Variants in PPEF1 observed in about 807,000 individuals in gnomAD.
PPEF1 encodes serine/threonine-protein phosphatase with EF-hands 1.
A neutral mutation model predicts 53.3 loss-of-function variants in PPEF1; 12 were observed. The ratio of observed to expected loss-of-function variants is 0.23; its 90% CI spans 0.14 to 0.36. PPEF1 has a LOEUF of 0.36. PPEF1 is among the 10% of genes least tolerant of loss of function. The pLI is 1.00. For missense variants in PPEF1, 334 were observed against 490.4 expected, an observed-to-expected ratio of 0.68 and a Z score of 3.01; for synonymous variants, 165 against 176.7, an observed-to-expected ratio of 0.93 and a Z score of 0.52.
chrX:18,783,942 C>T lies in PPEF1; in HGVS notation c.806C>T (p.Ala269Val). The change falls in exon 9 of 16, where the codon GCC becomes GTC. Residue 269 changes from alanine to valine, a missense_variant. Transcript: ENST00000470157. ...TTACAAATCTTGGAAGAATTCTATG[C>T]CTGGCTCCCAATCGGTACAATCGTT... Reference protein sequence around the residue: ...RILQILEEFYAWLPIGTIVDN... With the variant: ...RILQILEEFYVWLPIGTIVDN... 8.3e-7 allele frequency: 1 copy of T among 1,208,229 alleles called. No homozygotes were observed. Among genetic ancestry groups the T allele is most frequent in the Non-Finnish European group, 1.1e-6 (1 of 893,057 alleles).
chrX:18,793,054 C>T (rs1157999467), intron 10 of PPEF1, among the ~76,000 whole-genome samples: 1 of 107,391 alleles, frequency 9.3e-6, no homozygotes, highest in Non-Finnish European at 1.9e-5. Context: ...TTATCATTTC[C>T]TTCCTTCTGC....
intron 3 of PPEF1, among the ~76,000 whole-genome samples, chrX:18,748,859 T>C: frequency 8.9e-6 from 1 of 111,897 alleles, no homozygotes; most frequent in East Asian, 2.8e-4. Flanking sequence ...AACTGGTACA[T>C]AGCACTTCCA....
At chrX:18,687,981 G>A (rs1046749784) in intron 3 of PPEF1, among the ~76,000 whole-genome samples, 8 of 111,498 alleles carry the variant, frequency 7.2e-5, no homozygotes, top group South Asian at 3.7e-4. Flanking sequence ...GAGCTACAGC[G>A]CCCGGCCTAT....
chrX:18,821,804 A>AGAGAGAGAGAGAGAGAGAGAGAG (rs1569273883), intron 13 of PPEF1, among the ~76,000 whole-genome samples: 2 of 68,645 alleles, frequency 2.9e-5, no homozygotes, highest in Admixed American at 3.2e-4. Context: ...AGAGAGAGAG[A>AGAGAGAGAGAGAGAGAGAGAGAG]AAACAAATAA....
chrX:18,752,383 A>G (rs746014904), intron 4 of PPEF1, among the ~76,000 whole-genome samples: 28 of 109,520 alleles, frequency 2.6e-4, no homozygotes, highest in African/African-American at 6.0e-4. Flanking sequence ...GTGTGTGTGT[A>G]TGTGTGCGTG....
chrX:18,717,114 GC>G lies in PPEF1; in HGVS notation c.46+9290del, dbSNP rs1461328292. ...ATATATATATATATTTTTTTCTCAA[GC>G]CATTTTGTTTTGCTTTTGTTTTCCT... On this transcript the variant is annotated intron_variant, in intron 1 of 15. Transcript: ENST00000470157. 6.8e-5 allele frequency among the ~76,000 whole-genome samples: 5 copies of G among 73,744 alleles called. No individual in the cohort carries two copies. In the East Asian group the frequency reaches 1.5e-3, roughly 23 times the overall value. The allele number at this position is 73,744 out of a possible 115,157, so 64.0% of individuals were successfully genotyped here.
At chrX:18,799,118 C>G (rs760501170) in intron 10 of PPEF1, among the ~76,000 whole-genome samples, 1 of 111,043 alleles carries the variant, frequency 9.0e-6, no homozygotes, top group South Asian at 3.9e-4. Context: ...TGCCTGTAAT[C>G]CCTGCTACTC....
intron 6 of PPEF1, among the ~76,000 whole-genome samples, chrX:18,764,644 C>G (rs1245497834): frequency 9.0e-6 from 1 of 111,530 alleles, no homozygotes; most frequent in Non-Finnish European, 1.9e-5. Context: ...TAGCTCCACA[C>G]CAAATGTTCA....
At chrX:18,825,489 C>T (rs1051357120) in intron 14 of PPEF1, among the ~76,000 whole-genome samples, 2 of 111,716 alleles carry the variant, frequency 1.8e-5, no homozygotes, top group Admixed American at 9.6e-5. Flanking sequence ...TGTAGAGGAC[C>T]GAATGAAATA....
At chrX:18,689,239 G>A (rs764330190) in intron 3 of PPEF1, among the ~76,000 whole-genome samples, 25 of 110,040 alleles carry the variant, frequency 2.3e-4, no homozygotes, top group African/African-American at 8.3e-4. Context: ...AGGTGTGGTG[G>A]CTCACGCCTG....
chrX:18,819,750 C>T (rs1239836363), intron 13 of PPEF1, among the ~76,000 whole-genome samples: 2 of 111,648 alleles, frequency 1.8e-5, no homozygotes, highest in African/African-American at 6.5e-5. Flanking sequence ...CATACACCTA[C>T]TCAGAGTACT....
chrX:18,814,047 A>T (rs2046858522), intron 12 of PPEF1, among the ~76,000 whole-genome samples: 1 of 110,618 alleles, frequency 9.0e-6, no homozygotes, highest in Non-Finnish European at 1.9e-5. Context: ...CTTTATGTCC[A>T]TGTGTACCCA....
intron 2 of PPEF1, among the ~76,000 whole-genome samples, chrX:18,684,923 G>A (rs191776478): frequency 2.1e-4 from 24 of 112,045 alleles, no homozygotes; most frequent in East Asian, 2.0e-3. Context: ...CACCACACCC[G>A]GCAGAGATGT....
chrX:18,730,257 C>T lies in PPEF1; in HGVS notation c.123C>T (p.Ala41=). Residue 41 remains alanine (A), a synonymous_variant, in exon 2 of 16, where the codon GCC becomes GCT. Coordinates refer to ENST00000470157, the MANE Select transcript of PPEF1 (RefSeq NM_001377996.1). ...KARLKARQHY[A]LTIFQSIEYA... is the part of the protein sequence containing the mutation. ...GACTGAAGGCCAGACAACACTATGC[C>T]CTCACCATCTTCCAGTCCATCGAAT... 3 of 1,209,927 alleles carry T rather than the reference C, an allele frequency of 2.5e-6. No individual in the cohort carries two copies. Among genetic ancestry groups the T allele is most frequent in the Non-Finnish European group, 3.4e-6 (3 of 893,971 alleles).
At chrX:18,750,811 G>A (rs192858387) in intron 4 of PPEF1, among the ~76,000 whole-genome samples, 1 of 110,865 alleles carries the variant, frequency 9.0e-6, no homozygotes, top group Admixed American at 9.6e-5. Context: ...TCCCATGTAG[G>A]TTCCAATTTC....
At chrX:18,781,370 G>A (rs1042516153) in intron 7 of PPEF1, among the ~76,000 whole-genome samples, 1 of 110,246 alleles carries the variant, frequency 9.1e-6, no homozygotes, top group Admixed American at 9.7e-5. Context: ...AGTGAGGGGA[G>A]AAGAGAGCCT....
At chrX:18,745,316 T>C (rs980105775) in intron 3 of PPEF1, among the ~76,000 whole-genome samples, 3 of 104,180 alleles carry the variant, frequency 2.9e-5, no homozygotes, top group Admixed American at 2.2e-4. Context: ...TGGGCTCAGA[T>C]GATCCTCCTA....
At chrX:18,680,871 G>T (rs1237457613), upstream of PPEF1, among the ~76,000 whole-genome samples, 1 of 106,291 alleles carries the variant, frequency 9.4e-6, no homozygotes, top group African/African-American at 3.5e-5. Flanking sequence ...GCAGTGTTTG[G>T]TTTTTTGTCC....
chrX:18,693,042 C>A (rs1282416780), intron 4 of PPEF1, among the ~76,000 whole-genome samples: 2 of 111,481 alleles, frequency 1.8e-5, no homozygotes, highest in Non-Finnish European at 3.8e-5. Context: ...ATAAGGAGAT[C>A]GTACATAAAA....
Sources: gnomAD v4.1 joint callset for allele counts (sites outside exome capture counted in the v4.1 genomes callset) on GRCh38, gnomAD v4.1.1 for gene constraint, MANE v1.5 for transcripts, NCBI Gene and HGNC (gene_info 2026-07-23, HGNC 2026-07-21) for gene names.